The following TUBGCP4 variants were observed in gnomAD, a reference collection of about 807,000 sequenced individuals.
TUBGCP4 encodes the protein tubulin gamma complex component 4.
Under a neutral mutation model 91.6 loss-of-function variants are expected in TUBGCP4, and 54 were observed. The observed-to-expected ratio is 0.59, with a 90% CI of 0.47 to 0.74. The LOEUF is 0.74. TUBGCP4 is among the 30% of genes least tolerant of loss of function. The pLI, the probability that TUBGCP4 is intolerant of heterozygous loss-of-function variation, is 0.00. For missense variants in TUBGCP4, 593 were observed against 800.9 expected (o/e 0.74, Z 3.13); for synonymous variants, 297 against 302.8 (o/e 0.98, Z 0.20).
At chr15:43,400,375 TAAAA>T (rs1013104909) in intron 14 of TUBGCP4, among the ~76,000 whole-genome samples, 154 bp downstream of exon 14, 1 of 151,778 alleles carries the variant, frequency 6.6e-6, no homozygotes, top group African/African-American at 2.4e-5. Flanking sequence ...TTTCTTAAAA[TAAAA>T]AAAGCATTTT....
chr15:43,406,342 A>G lies in TUBGCP4; in HGVS notation c.*1128A>G. 3.3e-6 allele frequency: 1 copy of G among 306,418 alleles called. No homozygotes were observed. The highest frequency in any genetic ancestry group is 8.1e-5 in the East Asian group (1 of 12,394). The allele number at this position is 306,418 out of a possible 1,614,324, so 19.0% of individuals were successfully genotyped here. On this transcript the variant is annotated 3_prime_UTR_variant, in exon 18 of 18. Transcript: ENST00000564079. ...TCTGGTTTTCATCACTACATATTCT[A>G]CACACACTGGGAAGCTCTGACAACT...
Position 43,395,573 on chromosome 15 carries a change from C to A in TUBGCP4, c.1066-10C>A, listed in dbSNP as rs200550774. 2.0e-4 allele frequency: 325 copies of A among 1,606,648 alleles called. 1 individual carries two copies. The highest frequency in any genetic ancestry group is 2.6e-4 in the Non-Finnish European group (306 of 1,173,484). On this transcript the variant is annotated splice_polypyrimidine_tract_variant and intron_variant, in intron 10 of 17. Transcript: ENST00000564079. ...CTTTACTGAATTGTAAATTGAAATT[C>A]TTTCCTCAGATCATTAAAGACTTTT...
In TUBGCP4 at chr15:43,407,147, G is replaced by A. The variant is rs1173977073; in HGVS notation, c.*1933G>A. On this transcript the variant is annotated 3_prime_UTR_variant, in exon 18 of 18. Coordinates refer to ENST00000564079, the MANE Select transcript of TUBGCP4 (RefSeq NM_014444.5). Reference sequence around the variant, plus strand: ...GTGAATAAGCCTGTTGAAAGACTCAGAGAAAGTACTATGTCTTGTCATTTG... The same window carrying A: ...GTGAATAAGCCTGTTGAAAGACTCAAAGAAAGTACTATGTCTTGTCATTTG... 2.1e-6 allele frequency: 1 copy of A among 469,152 alleles called. No individual in the cohort carries two copies. Among genetic ancestry groups the A allele is most frequent in the Non-Finnish European group, 3.8e-6 (1 of 260,456 alleles). 29.1% of individuals were successfully genotyped at this position (469,152 alleles called of 1,614,324 possible). A position where few individuals can be genotyped will look rare whatever the true frequency, so the allele number is the denominator to read the frequency against.
rs181649009 is a variant in TUBGCP4, at chr15:43,379,328, A to T, written c.442-756A>T. Among the ~76,000 whole-genome samples the T allele has an allele frequency of 1.8e-4, 28 of 152,364 alleles. No homozygotes were observed. The East Asian group carries it at 5.2e-3, about 28-fold the overall frequency. On this transcript the variant is annotated intron_variant, in intron 5 of 17. Coordinates refer to ENST00000564079, the MANE Select transcript of TUBGCP4 (RefSeq NM_014444.5). Reference sequence around the variant, plus strand: ...AAATGGGTGAATTTCATTGTAAATTATACCTCAAAGTGGTAAAAATAAAAG... The same window carrying T: ...AAATGGGTGAATTTCATTGTAAATTTTACCTCAAAGTGGTAAAAATAAAAG...
At chr15:43,394,942 G>T in intron 9 of TUBGCP4, 165 bp from the exon 10 acceptor site, 2 of 707,890 alleles carry the variant, frequency 2.8e-6, no homozygotes, top group African/African-American at 1.8e-5. Flanking sequence ...ATTCTTTACA[G>T]CAGTGTGAGA....
chr15:43,402,086 C>T, intron 15 of TUBGCP4: 2 of 352,702 alleles, frequency 5.7e-6, no homozygotes, highest in Non-Finnish European at 1.0e-5. Flanking sequence ...GCCTGGCCAA[C>T]ATGGTGAAAA....
At chr15:43,399,377 A>G (rs931546200) in intron 13 of TUBGCP4, among the ~76,000 whole-genome samples, 1 of 151,776 alleles carries the variant, frequency 6.6e-6, no homozygotes, top group African/African-American at 2.4e-5. Context: ...ATAACACACT[A>G]TTTTTTTTGA....
intron 12 of TUBGCP4, among the ~76,000 whole-genome samples, 179 bp from the exon 13 acceptor site, chr15:43,397,862 C>A (rs142981931): frequency 6.6e-6 from 1 of 152,128 alleles, no homozygotes; most frequent in Non-Finnish European, 1.5e-5. Context: ...CAAGTGCGTG[C>A]CACCATGCCC....
intron 6 of TUBGCP4, among the ~76,000 whole-genome samples, chr15:43,381,031 T>C (rs1282350981): frequency 1.3e-5 from 2 of 152,204 alleles, no homozygotes; most frequent in African/African-American, 4.8e-5. Context: ...GGTCTCGAAC[T>C]CCTAGGCTCA....
At chr15:43,403,282 C>CT (rs2044733880) in intron 15 of TUBGCP4, 1 of 160,672 alleles carries the variant, frequency 6.2e-6, no homozygotes, top group Admixed American at 6.3e-5. Flanking sequence ...CGAGGGTTCA[C>CT]TAAAGGCTAT....
chr15:43,376,709 C>A, intron 3 of TUBGCP4, 84 bp downstream of exon 3: 1 of 1,583,220 alleles, frequency 6.3e-7, no homozygotes, highest in South Asian at 1.1e-5. Flanking sequence ...TTGATAAGAT[C>A]AGGTAGTTAA....
chr15:43,408,512 T>TG lies in TUBGCP4; in HGVS notation c.*3298_*3299insG. Reference sequence around the variant, plus strand: ...CTAAGCCCTATATTAGGGTCCCCCTTCTCTTCCTTCTTTCTATGAATGATC... The same window carrying TG: ...CTAAGCCCTATATTAGGGTCCCCCTTGCTCTTCCTTCTTTCTATGAATGATC... On this transcript the variant is annotated 3_prime_UTR_variant, in exon 18 of 18. Transcript: ENST00000564079. 1 of 267,872 alleles carries TG rather than the reference T, an allele frequency of 3.7e-6. No homozygotes were observed. Among genetic ancestry groups the TG allele is most frequent in the Non-Finnish European group, 7.2e-6 (1 of 138,644 alleles). 16.6% of individuals were successfully genotyped at this position (267,872 alleles called of 1,614,324 possible).
intron 15 of TUBGCP4, chr15:43,402,066 T>A: frequency 2.3e-6 from 1 of 437,128 alleles, no homozygotes; most frequent in Non-Finnish European, 4.0e-6. Flanking sequence ...AGGTCAGGAG[T>A]TCAAGACCAG....
chr15:43,392,328 T>C (rs1316710603), intron 9 of TUBGCP4, among the ~76,000 whole-genome samples: 1 of 150,192 alleles, frequency 6.7e-6, no homozygotes, highest in Non-Finnish European at 1.5e-5. Context: ...GTTTTCATTA[T>C]ATTCTATATA....
chr15:43,381,781 T>C (rs2044288877), intron 6 of TUBGCP4, among the ~76,000 whole-genome samples: 2 of 152,122 alleles, frequency 1.3e-5, no homozygotes, highest in South Asian at 4.1e-4. Context: ...TCCTTTAGTT[T>C]CACCATTTGT....
chr15:43,404,102 C>T, intron 16 of TUBGCP4: 1 of 518,086 alleles, frequency 1.9e-6, no homozygotes, highest in Admixed American at 3.3e-5. Context: ...TAACCCCCAT[C>T]TCACTGAGAT....
At chr15:43,400,362 A>C in intron 14 of TUBGCP4, 141 bp downstream of exon 14, 1 of 541,168 alleles carries the variant, frequency 1.8e-6, no homozygotes, top group East Asian at 3.0e-5. Context: ...ATCACCAAGC[A>C]TGTTTCTTAA....
chr15:43,397,979 C>A, intron 12 of TUBGCP4, 62 bp from the exon 13 acceptor site: 2 of 1,530,784 alleles, frequency 1.3e-6, no homozygotes, highest in South Asian at 2.5e-5. Flanking sequence ...CTTGTTGAGT[C>A]TCTGGTTCTA....
At chr15:43,383,654 T>C (rs1230632886) in intron 7 of TUBGCP4, 150 bp downstream of exon 7, 7 of 574,514 alleles carry the variant, frequency 1.2e-5, no homozygotes, top group Non-Finnish European at 2.0e-5. Flanking sequence ...TCTTAACTAG[T>C]GTGAGACTAT....
Sources: allele counts gnomAD v4.1 joint callset (sites outside exome capture counted in the v4.1 genomes callset), GRCh38; gene constraint gnomAD v4.1.1; transcripts MANE v1.5; gene names NCBI Gene and HGNC (gene_info 2026-07-23, HGNC 2026-07-21).